POTED: variants seen among roughly 807,000 people sequenced by gnomAD.
POTED encodes ANKRD26-like family B member 3.
POTED carries 7 observed loss-of-function variants against 19.0 expected under a neutral mutation model. The ratio of observed to expected loss-of-function variants is 0.37; its 90% CI spans 0.21 to 0.69. The LOEUF is 0.69. POTED is among the 30% of genes least tolerant of loss of function. The pLI is 0.56. For synonymous variants in POTED, 16 were observed against 92.0 expected (o/e 0.17, Z 4.73); for missense variants, 54 against 278.5 (o/e 0.19, Z 5.74).
rs769355213 is a variant in POTED, at chr21:13,610,758, G to T, written c.521+9G>T. 2.5e-5 allele frequency: 27 copies of T among 1,073,686 alleles called. 9 individuals carry two copies. The highest frequency in any genetic ancestry group is 3.0e-5 in the Non-Finnish European group (25 of 830,832). The allele number at this position is 1,073,686 out of a possible 1,614,324, so 66.5% of individuals were successfully genotyped here. A position where few individuals can be genotyped will look rare whatever the true frequency, so the allele number is the denominator to read the frequency against. On this transcript the variant is annotated intron_variant, in intron 1 of 10. Coordinates refer to ENST00000299443, the MANE Select transcript of POTED (RefSeq NM_174981.6). ...AGGGACAAGGAAAAGAGGTAACCGG[G>T]CCTGGGATGGGAGGAGGCAGGACAT...
rs1005272565 is a variant in POTED, at chr21:13,616,055, A to G, written c.810+485A>G. Among the ~76,000 whole-genome samples the G allele has an allele frequency of 1.9e-4, 8 of 42,798 alleles. 1 individual carries two copies. The highest frequency in any genetic ancestry group is 1.1e-3 in the African/African-American group (8 of 7,434). 28.1% of individuals were successfully genotyped at this position (42,798 alleles called of 152,430 possible). ...ATATTTCTGATTGCTCATGAGGCAG[A>G]AGTGGAAAGGGAAAAATGCAGCAAT... On this transcript the variant is annotated intron_variant, in intron 3 of 10. Transcript: ENST00000299443.
chr21:13,643,430 AAG>A lies in POTED; in HGVS notation c.*1867_*1868del, dbSNP rs1351319053. ...GGATTGCCCAGCACAGATCAGGTCTAAGAGTTCTCTTCGTAAAAAAGGGGACT... is the reference window on the plus strand; with the variant it reads ...GGATTGCCCAGCACAGATCAGGTCTAAGTTCTCTTCGTAAAAAAGGGGACT... On this transcript the variant is annotated 3_prime_UTR_variant, in exon 11 of 11. Coordinates refer to ENST00000299443, the MANE Select transcript of POTED (RefSeq NM_174981.6). Among the ~76,000 whole-genome samples, 13 of 72,970 alleles carry A rather than the reference AAG, an allele frequency of 1.8e-4. 6 individuals are homozygous for A. The highest frequency in any genetic ancestry group is 0.02 in the Middle Eastern group (2 of 100). The allele number at this position is 72,970 out of a possible 152,430, so 47.9% of individuals were successfully genotyped here.
chr21:13,610,376 G>A lies in POTED; in HGVS notation c.148G>A (p.Asp50Asn). 7.4e-6 allele frequency: 6 copies of A among 810,972 alleles called. 1 individual carries two copies. Among genetic ancestry groups the A allele is most frequent in the Non-Finnish European group, 9.7e-6 (6 of 620,234 alleles). 50.2% of individuals were successfully genotyped at this position (810,972 alleles called of 1,614,324 possible). A position where few individuals can be genotyped will look rare whatever the true frequency, so the allele number is the denominator to read the frequency against. The stretch of plus-strand genomic sequence containing the variant: ...CAACATGGGCACTTCTGGAGACCAC[G>A]ACGACTCCTTTATGAAGATGCTCAG... ...KSNMGTSGDH[D>N]DSFMKMLRSK... Residue 50 changes from aspartate (D) to asparagine (N), a missense_variant, in exon 1 of 11, where the codon GAC (aspartate) becomes AAC (asparagine). Asp to Asn is a conservative substitution (Grantham distance 23, BLOSUM62 1). Coordinates refer to ENST00000299443, the MANE Select transcript of POTED (RefSeq NM_174981.6).
In POTED at chr21:13,612,100, T is replaced by C; in HGVS notation, c.521+1351T>C. ...CATGTCTACCAGTGACCTGTGCACATAGGAAAACAGCATTCCTGCTAAGAG... is the reference window on the plus strand; with the variant it reads ...CATGTCTACCAGTGACCTGTGCACACAGGAAAACAGCATTCCTGCTAAGAG... On this transcript the variant is annotated intron_variant, in intron 1 of 10. Transcript: ENST00000299443. 3.7e-5 allele frequency among the ~76,000 whole-genome samples: 3 copies of C among 81,410 alleles called. 1 individual carries two copies. Among genetic ancestry groups the C allele is most frequent in the Non-Finnish European group, 4.3e-5 (2 of 46,170 alleles). The allele number at this position is 81,410 out of a possible 152,430, so 53.4% of individuals were successfully genotyped here. A position where few individuals can be genotyped will look rare whatever the true frequency, so the allele number is the denominator to read the frequency against.
At position 13,641,644 on chromosome 21, in the gene POTED, A is replaced by G; in HGVS notation, c.*78A>G. The G allele has an allele frequency of 2.0e-6, 1 of 506,378 alleles. No homozygotes were observed. Among genetic ancestry groups the G allele is most frequent in the Non-Finnish European group, 3.2e-6 (1 of 316,044 alleles). 31.4% of individuals were successfully genotyped at this position (506,378 alleles called of 1,614,324 possible). A position where few individuals can be genotyped will look rare whatever the true frequency, so the allele number is the denominator to read the frequency against. On this transcript the variant is annotated 3_prime_UTR_variant, in exon 11 of 11. Coordinates refer to ENST00000299443, the MANE Select transcript of POTED (RefSeq NM_174981.6). ...GGAGAGTGTAAGACACAGCTAGGAA[A>G]CACTGGAAATGGAAATTCAATCATG...
Position 13,639,713 on chromosome 21 carries a change from A to G in POTED, c.1533+75A>G. 3.7e-6 allele frequency: 2 copies of G among 542,576 alleles called. 1 individual carries two copies. The highest frequency in any genetic ancestry group is 5.3e-5 in the South Asian group (2 of 37,956). 33.6% of individuals were successfully genotyped at this position (542,576 alleles called of 1,614,324 possible). On this transcript the variant is annotated intron_variant, in intron 10 of 10. Coordinates refer to ENST00000299443, the MANE Select transcript of POTED (RefSeq NM_174981.6). ...AAAAAGCTTTATTTTGGAAGGTATA[A>G]AGGATTTTTAAATCACATATATACA...
chr21:13,613,050 TAATGA>T (rs1188693925), intron 1 of POTED, among the ~76,000 whole-genome samples: 1 of 75,160 alleles, frequency 1.3e-5, no homozygotes, highest in Non-Finnish European at 2.3e-5. Flanking sequence ...GTTTCATTAG[TAATGA>T]AATAATCCTT....
intron 10 of POTED, 138 bp downstream of exon 10, chr21:13,639,776 A>G (rs1370277313): frequency 2.3e-6 from 1 of 437,876 alleles, no homozygotes. Flanking sequence ...GTGTGTGTAT[A>G]TATATACACA....
Position 13,612,200 on chromosome 21 carries a change from G to A in POTED, c.521+1451G>A, listed in dbSNP as rs1230448962. ...AGAAGAGGAATGAAAGGCCAGCCAT[G>A]GTGGCTCATGCCTGTAATCCCAGCA... On this transcript the variant is annotated intron_variant, in intron 1 of 10. Coordinates refer to ENST00000299443, the MANE Select transcript of POTED (RefSeq NM_174981.6). Among the ~76,000 whole-genome samples the A allele has an allele frequency of 2.0e-4, 15 of 74,032 alleles. 4 individuals are homozygous for A. Among genetic ancestry groups the A allele is most frequent in the Admixed American group, 4.6e-4 (4 of 8,604 alleles). 48.6% of individuals were successfully genotyped at this position (74,032 alleles called of 152,430 possible).
intron 3 of POTED, among the ~76,000 whole-genome samples, chr21:13,617,345 G>GT (rs941522076): frequency 1.3e-5 from 1 of 79,568 alleles, no homozygotes; most frequent in Non-Finnish European, 2.2e-5. Flanking sequence ...AAGATTACAG[G>GT]TGTGAGCCAC....
intron 9 of POTED, among the ~76,000 whole-genome samples, chr21:13,637,004 A>ATATATATATATATT (rs1481200854): frequency 6.1e-5 from 1 of 16,468 alleles, no homozygotes; most frequent in Non-Finnish European, 9.7e-5. Flanking sequence ...ATATATATAT[A>ATATATATATATATT]TTTTTTTTTT....
Position 13,610,045 on chromosome 21 carries a change from G to C in POTED, c.-184G>C. 1 of 266,784 alleles carries C rather than the reference G, an allele frequency of 3.7e-6. No individual in the cohort carries two copies. The highest frequency in any genetic ancestry group is 3.6e-5 in the South Asian group (1 of 27,948). The allele number at this position is 266,784 out of a possible 1,614,324, so 16.5% of individuals were successfully genotyped here. A position where few individuals can be genotyped will look rare whatever the true frequency, so the allele number is the denominator to read the frequency against. On this transcript the variant is annotated 5_prime_UTR_variant, in exon 1 of 11. Transcript: ENST00000299443. ...CCTGGTGGGCGTGGGCTTTCCCCGG[G>C]TGGGTGTGGGTTTTCCCTGGGTGGG...
At position 13,611,355 on chromosome 21, in the gene POTED, A is replaced by T. The variant is rs2011141013; in HGVS notation, c.521+606A>T. 3.7e-5 allele frequency among the ~76,000 whole-genome samples: 3 copies of T among 80,864 alleles called. 1 individual carries two copies. Among genetic ancestry groups the T allele is most frequent in the Admixed American group, 3.2e-4 (3 of 9,490 alleles). 53.0% of individuals were successfully genotyped at this position (80,864 alleles called of 152,430 possible). On this transcript the variant is annotated intron_variant, in intron 1 of 10. Coordinates refer to ENST00000299443, the MANE Select transcript of POTED (RefSeq NM_174981.6). ...CTTTAAATTGCACATGATGTATTTT[A>T]TCATTGTGATAAATTGATTTTTTTT...
In POTED at chr21:13,643,415, G is replaced by T. The variant is rs1476793180; in HGVS notation, c.*1849G>T. Among the ~76,000 whole-genome samples, 1 of 75,770 alleles carries T rather than the reference G, an allele frequency of 1.3e-5. No homozygotes were observed. Among genetic ancestry groups the T allele is most frequent in the Non-Finnish European group, 2.3e-5 (1 of 43,474 alleles). The allele number at this position is 75,770 out of a possible 152,430, so 49.7% of individuals were successfully genotyped here. A position where few individuals can be genotyped will look rare whatever the true frequency, so the allele number is the denominator to read the frequency against. Reference sequence around the variant, plus strand: ...CCCATCTCACATGCAGGATTGCCCAGCACAGATCAGGTCTAAGAGTTCTCT... The same window carrying T: ...CCCATCTCACATGCAGGATTGCCCATCACAGATCAGGTCTAAGAGTTCTCT... On this transcript the variant is annotated 3_prime_UTR_variant, in exon 11 of 11. Transcript: ENST00000299443.
At chr21:13,635,128 A>G (rs1465725126) in intron 9 of POTED, among the ~76,000 whole-genome samples, 1 of 81,754 alleles carries the variant, frequency 1.2e-5, no homozygotes, top group Non-Finnish European at 2.2e-5. Context: ...TTTCACTACC[A>G]TATCCTCACT....
At chr21:13,613,845 T>A (rs200782914) in intron 1 of POTED, among the ~76,000 whole-genome samples, 431 of 60,096 alleles carry the variant, frequency 7.2e-3, no homozygotes, top group East Asian at 0.026. Flanking sequence ...GCATGGTCTC[T>A]CTTATAGGTG....
Position 13,636,696 on chromosome 21 carries a change from C to T in POTED, c.1410-2819C>T, listed in dbSNP as rs1235315429. On this transcript the variant is annotated intron_variant, in intron 9 of 10. Coordinates refer to ENST00000299443, the MANE Select transcript of POTED (RefSeq NM_174981.6). ...CAATAGTTTGGCTTTGTGTTTCCAC[C>T]CAAATCTCGTGTCAAATTGTAATTC... Among the ~76,000 whole-genome samples, 2 of 71,200 alleles carry T rather than the reference C, an allele frequency of 2.8e-5. 1 individual carries two copies. The highest frequency in any genetic ancestry group is 4.8e-5 in the Non-Finnish European group (2 of 42,038). 46.7% of individuals were successfully genotyped at this position (71,200 alleles called of 152,430 possible). A position where few individuals can be genotyped will look rare whatever the true frequency, so the allele number is the denominator to read the frequency against.
chr21:13,611,184 C>T lies in POTED; in HGVS notation c.521+435C>T, dbSNP rs2011140631. On this transcript the variant is annotated intron_variant, in intron 1 of 10. Transcript: ENST00000299443. Reference sequence around the variant, plus strand: ...CGATGTACCCCTATGTAAATACGTTCTTTACTGAGTAACCTTAAAAGGAAA... The same window carrying T: ...CGATGTACCCCTATGTAAATACGTTTTTTACTGAGTAACCTTAAAAGGAAA... Among the ~76,000 whole-genome samples the T allele has an allele frequency of 2.5e-5, 2 of 78,944 alleles. 1 individual carries two copies. The highest frequency in any genetic ancestry group is 4.4e-5 in the Non-Finnish European group (2 of 45,270). The allele number at this position is 78,944 out of a possible 152,430, so 51.8% of individuals were successfully genotyped here. A position where few individuals can be genotyped will look rare whatever the true frequency, so the allele number is the denominator to read the frequency against.
Position 13,637,644 on chromosome 21 carries a change from A to G in POTED, c.1410-1871A>G, listed in dbSNP as rs187213174. ...TTTTACTTTAATTAGGTCTTTATTTATTTATTTATTTATTTTTATTTTTGT... is the reference window on the plus strand; with the variant it reads ...TTTTACTTTAATTAGGTCTTTATTTGTTTATTTATTTATTTTTATTTTTGT... On this transcript the variant is annotated intron_variant, in intron 9 of 10. Transcript: ENST00000299443. Among the ~76,000 whole-genome samples, 340 of 74,712 alleles carry G rather than the reference A, an allele frequency of 4.6e-3. 107 individuals carry two copies. Among genetic ancestry groups the G allele is most frequent in the Admixed American group, 0.038 (339 of 8,862 alleles). 49.0% of individuals were successfully genotyped at this position (74,712 alleles called of 152,430 possible).
Sources: allele counts gnomAD v4.1 joint callset (sites outside exome capture counted in the v4.1 genomes callset), GRCh38; gene constraint gnomAD v4.1.1; transcripts MANE v1.5; gene names NCBI Gene and HGNC (gene_info 2026-07-23, HGNC 2026-07-21).